The following ZBTB40 variants were observed in gnomAD, a reference collection of about 807,000 sequenced individuals.
ZBTB40 encodes the protein zinc finger and BTB domain-containing protein 40.
ZBTB40 carries 60 observed loss-of-function variants against 117.5 expected under a neutral mutation model. That is an observed-to-expected ratio of 0.51 (90% confidence interval 0.41 to 0.63). ZBTB40 has a LOEUF of 0.63. ZBTB40 is among the 30% of genes least tolerant of loss of function. ZBTB40 has a pLI of 0.00. For synonymous variants in ZBTB40, 525 were observed against 577.1 expected (o/e 0.91, Z 1.29); for missense variants, 1,287 against 1,498.5 (o/e 0.86, Z 2.33).
chr1:22,473,185 G>A (rs981288270), intron 1 of ZBTB40, among the ~76,000 whole-genome samples: 5 of 152,140 alleles, frequency 3.3e-5, no homozygotes, highest in African/African-American at 4.8e-5. Context: ...TAGGTCACCC[G>A]GAGCGTATTA....
intron 6 of ZBTB40, among the ~76,000 whole-genome samples, chr1:22,507,795 G>A (rs1255424179): frequency 6.6e-5 from 10 of 152,170 alleles, no homozygotes; most frequent in African/African-American, 1.4e-4. Flanking sequence ...AAGCGTTAAC[G>A]GCTTTATGAC....
At chr1:22,519,372 G>A (rs1333799081) in intron 13 of ZBTB40, among the ~76,000 whole-genome samples, 2 of 152,176 alleles carry the variant, frequency 1.3e-5, no homozygotes, top group Non-Finnish European at 2.9e-5. Context: ...CATGGATTTG[G>A]GAGTGAGAGA....
At chr1:22,465,035 T>TGC (rs1181951031) in intron 1 of ZBTB40, among the ~76,000 whole-genome samples, 2 of 152,146 alleles carry the variant, frequency 1.3e-5, no homozygotes, top group African/African-American at 4.8e-5. Flanking sequence ...TGCATCCAGG[T>TGC]ATGCAGACAA....
At chr1:22,471,199 G>A (rs532751585) in intron 1 of ZBTB40, among the ~76,000 whole-genome samples, 117 of 152,046 alleles carry the variant, frequency 7.7e-4, no homozygotes, top group African/African-American at 2.7e-3. Context: ...CCAGCCAGCT[G>A]GCCTATTCCA....
chr1:22,514,411 T>A (rs188036626), intron 12 of ZBTB40, among the ~76,000 whole-genome samples: 98 of 152,322 alleles, frequency 6.4e-4, no homozygotes, highest in Non-Finnish European at 1.3e-3. Context: ...TAAGATAGCC[T>A]CCTCAGCCCT....
intron 1 of ZBTB40, among the ~76,000 whole-genome samples, chr1:22,452,415 C>G (rs974026285): frequency 2.0e-5 from 3 of 152,254 alleles, no homozygotes; most frequent in African/African-American, 7.2e-5. Context: ...CTCTCTTCCC[C>G]TCTCGGTCTT....
Position 22,491,548 on chromosome 1 carries a change from CTT to C in ZBTB40, c.831+18_831+19del. 1.9e-6 allele frequency: 3 copies of C among 1,613,046 alleles called. No homozygotes were observed. The highest frequency in any genetic ancestry group is 2.5e-6 in the Non-Finnish European group (3 of 1,179,380). On this transcript the variant is annotated intron_variant, in intron 3 of 17. Transcript: ENST00000375647. ...CACAGAAGGAGGTAGGCACCTCTGA[CTT>C]TTGTACTTGTTTGCTAGTTTAGTGT...
intron 9 of ZBTB40, among the ~76,000 whole-genome samples, chr1:22,510,762 A>G (rs1165411399): frequency 6.6e-6 from 1 of 152,248 alleles, no homozygotes; most frequent in Non-Finnish European, 1.5e-5. Flanking sequence ...ACTTCCAGAC[A>G]TTGAGACAAT....
At chr1:22,440,277 T>C (rs1640715871) in intron 1 of ZBTB40, among the ~76,000 whole-genome samples, 1 of 152,192 alleles carries the variant, frequency 6.6e-6, no homozygotes, top group African/African-American at 2.4e-5. Flanking sequence ...TAGAGGTAAT[T>C]TTACTTCTTC....
intron 1 of ZBTB40, among the ~76,000 whole-genome samples, chr1:22,445,257 A>G (rs150168157): frequency 9.8e-4 from 149 of 152,328 alleles, no homozygotes; most frequent in African/African-American, 2.8e-3. Context: ...ACTATCTGGG[A>G]ACAGGGACAA....
intron 1 of ZBTB40, among the ~76,000 whole-genome samples, chr1:22,429,438 A>AT (rs958370077): frequency 1.8e-4 from 27 of 149,774 alleles, no homozygotes; most frequent in African/African-American, 4.9e-4. Flanking sequence ...ATTTGCCTAC[A>AT]TTTTTTTTTT....
At chr1:22,469,473 T>C (rs1179686267) in intron 1 of ZBTB40, among the ~76,000 whole-genome samples, 1 of 152,170 alleles carries the variant, frequency 6.6e-6, no homozygotes, top group East Asian at 1.9e-4. Context: ...GTACATGCCA[T>C]TGCACCCGGC....
At chr1:22,432,659 T>C (rs940851974) in intron 1 of ZBTB40, among the ~76,000 whole-genome samples, 2 of 152,240 alleles carry the variant, frequency 1.3e-5, no homozygotes, top group Admixed American at 6.5e-5. Context: ...AGATTCCCTG[T>C]TCAGATTTCC....
chr1:22,506,024 TC>T (rs755493633), intron 5 of ZBTB40, 24 bp from the exon 6 acceptor site: 2 of 1,613,872 alleles, frequency 1.2e-6, no homozygotes, highest in South Asian at 2.2e-5. Context: ...GTAACTGGTG[TC>T]TGGTTGATTG....
intron 2 of ZBTB40, 137 bp downstream of exon 2, chr1:22,490,782 C>T: frequency 1.1e-6 from 1 of 944,022 alleles, no homozygotes; most frequent in Non-Finnish European, 1.6e-6. Context: ...CTGGGCCATT[C>T]TTTTAAAAGT....
chr1:22,432,330 G>A (rs1640602934), intron 1 of ZBTB40, among the ~76,000 whole-genome samples: 1 of 152,164 alleles, frequency 6.6e-6, no homozygotes, highest in Non-Finnish European at 1.5e-5. Flanking sequence ...ACCTTGGGGT[G>A]GGTTGGGGAA....
At chr1:22,439,519 C>A (rs190423477) in intron 1 of ZBTB40, among the ~76,000 whole-genome samples, 2 of 152,120 alleles carry the variant, frequency 1.3e-5, no homozygotes, top group South Asian at 4.1e-4. Flanking sequence ...TTTTTGTATA[C>A]GGTGTTAAAT....
At chr1:22,477,299 TAAG>T (rs1387049791) in intron 1 of ZBTB40, among the ~76,000 whole-genome samples, 1 of 152,168 alleles carries the variant, frequency 6.6e-6, no homozygotes, top group Non-Finnish European at 1.5e-5. Flanking sequence ...GAGCCAATAA[TAAG>T]AGCTAACACA....
At chr1:22,518,779 G>T (rs984664874) in intron 13 of ZBTB40, among the ~76,000 whole-genome samples, 1 of 152,216 alleles carries the variant, frequency 6.6e-6, no homozygotes, top group African/African-American at 2.4e-5. Context: ...GTTACAGTAG[G>T]CTTCCAGATG....
Sources: allele counts gnomAD v4.1 joint callset (sites outside exome capture counted in the v4.1 genomes callset), GRCh38; gene constraint gnomAD v4.1.1; transcripts MANE v1.5; gene names NCBI Gene and HGNC (gene_info 2026-07-23, HGNC 2026-07-21).